The following MUC5B variants were observed in gnomAD, a reference collection of about 807,000 sequenced individuals.
MUC5B encodes mucin-5B.
Under a neutral mutation model 376.9 loss-of-function variants are expected in MUC5B, and 116 were observed. The observed-to-expected ratio is 0.31, with a 90% CI of 0.26 to 0.36. The LOEUF is 0.36. Ranked by LOEUF, MUC5B falls within the 10% of genes least tolerant of loss-of-function variation. MUC5B has a pLI of 1.00. For missense variants in MUC5B, 7,165 were observed against 7,769.9 expected, an observed-to-expected ratio of 0.92 and a Z score of 2.93; for synonymous variants, 3,517 against 3,390.9, an observed-to-expected ratio of 1.04 and a Z score of -1.29.
chr11:1,230,101 A>G lies in MUC5B; in HGVS notation c.1317A>G (p.Lys439=). 1.9e-6 allele frequency: 3 copies of G among 1,612,090 alleles called. No homozygotes were observed. Among genetic ancestry groups the G allele is most frequent in the Non-Finnish European group, 1.7e-6 (2 of 1,179,436 alleles). The change falls in exon 11 of 49, where the codon AAA becomes AAG. Residue 439 remains lysine (K), a synonymous_variant. Coordinates refer to ENST00000529681, the MANE Select transcript of MUC5B (RefSeq NM_002458.3). ...CCCACATCTCCACCTATGATGAGAA[A>G]CTCTACGACCTGCATGGTGACTGCA... The part of the protein sequence containing the change: ...GGAHISTYDE[K]LYDLHGDCSY...
Position 1,251,437 on chromosome 11 carries a change from A to T in MUC5B, c.14557A>T (p.Thr4853Ser). The T allele has an allele frequency of 6.2e-7, 1 of 1,612,534 alleles. No homozygotes were observed. The highest frequency in any genetic ancestry group is 1.1e-5 in the South Asian group (1 of 91,024). ...CACCTGGATCCTCACAGAGCCGAGC[A>T]CTATAGCCACCGTGATGGTGCCCAC... ...GTTWILTEPS[T>S]IATVMVPTGS... is the part of the protein sequence containing the mutation. The change falls in exon 31 of 49, where the codon ACT (threonine) becomes TCT (serine). Residue 4853 changes from threonine (T) to serine (S), a missense_variant. Physicochemically the swap from Thr to Ser is moderately conservative, Grantham distance 58 (BLOSUM62 1). This residue lies in a region of MUC5B where 730 missense variants were observed against 592.7 expected (regional missense o/e 1.23). Coordinates refer to ENST00000529681, the MANE Select transcript of MUC5B (RefSeq NM_002458.3).
rs759880535 is a variant in MUC5B, at chr11:1,251,546, C to T, written c.14666C>T (p.Ala4889Val). The T allele has an allele frequency of 1.4e-5, 23 of 1,613,040 alleles. No individual in the cohort carries two copies. The highest frequency in any genetic ancestry group is 2.2e-5 in the East Asian group (1 of 44,880). The change falls in exon 31 of 49, where the codon GCC (alanine) becomes GTC (valine). Residue 4889 changes from alanine (A) to valine (V), a missense_variant. Coordinates refer to ENST00000529681, the MANE Select transcript of MUC5B (RefSeq NM_002458.3). ...VVTTMATMPT[A>V]TASTVPSSST... ...ACCACCATGGCCACTATGCCCACAG[C>T]CACTGCCTCCACGGTTCCCAGCTCG...
In MUC5B at chr11:1,243,802, A is replaced by G; in HGVS notation, c.6922A>G (p.Thr2308Ala). The stretch of plus-strand genomic sequence containing the variant: ...CAGCCCCACATCGGCCCCCATAACC[A>G]CGGTGGTGACCATGGGCTGTGAGCC... ...PSSPTSAPIT[T>A]VVTMGCEPQC... Residue 2308 changes from threonine (T) to alanine (A), a missense_variant, in exon 31 of 49, where the codon ACG becomes GCG. Physicochemically the swap from Thr to Ala is moderately conservative, Grantham distance 58. Transcript: ENST00000529681. 6.2e-7 allele frequency: 1 copy of G among 1,611,466 alleles called. No individual in the cohort carries two copies. The highest frequency in any genetic ancestry group is 8.5e-7 in the Non-Finnish European group (1 of 1,179,590).
rs1862378033 is a variant in MUC5B, at chr11:1,244,082, A to G, written c.7202A>G (p.Asn2401Ser). 6.0e-6 allele frequency: 9 copies of G among 1,497,788 alleles called. No individual in the cohort carries two copies. Among genetic ancestry groups the G allele is most frequent in the Non-Finnish European group, 8.4e-6 (9 of 1,077,722 alleles). 92.8% of individuals were successfully genotyped at this position (1,497,788 alleles called of 1,614,324 possible). The change falls in exon 31 of 49, where the codon AAC (asparagine) becomes AGC (serine). Residue 2401 changes from asparagine to serine, a missense_variant. By Grantham distance (46) the Asn-to-Ser change is conservative. Around this residue, in one of 31 missense-constraint regions of MUC5B, gnomAD observed 194 missense variants for 268.5 expected, o/e 0.72. Transcript: ENST00000529681. ...EQVGKFKMCF[N>S]YEIRVFCCNY... is the part of the protein sequence containing the mutation. ...GTGGGGAAGTTCAAGATGTGCTTCAACTATGAAATCCGTGTGTTCTGCTGC... is the reference window on the plus strand; with the variant it reads ...GTGGGGAAGTTCAAGATGTGCTTCAGCTATGAAATCCGTGTGTTCTGCTGC...
Position 1,246,270 on chromosome 11 carries a change from G to C in MUC5B, c.9390G>C (p.Gly3130=). 6.2e-7 allele frequency: 1 copy of C among 1,610,938 alleles called. No homozygotes were observed. Among genetic ancestry groups the C allele is most frequent in the South Asian group, 1.1e-5 (1 of 90,918 alleles). ...SSMSTPSSTP[G]TTWILTELTT... ...TGTCCACCCCCTCCTCCACTCCGGG[G>C]ACGACCTGGATCCTCACAGAGCTGA... The change falls in exon 31 of 49, where the codon GGG becomes GGC. Residue 3130 remains glycine (G), a synonymous_variant. Transcript: ENST00000529681.
intron 48 of MUC5B, among the ~76,000 whole-genome samples, chr11:1,261,072 C>A (rs775838438): frequency 5.9e-5 from 9 of 152,174 alleles, no homozygotes; most frequent in Non-Finnish European, 1.2e-4. Flanking sequence ...GCAGGAGGGG[C>A]CAGAAGGGTT....
At chr11:1,261,353 A>C in intron 48 of MUC5B, 36 bp from the exon 49 acceptor site, 1 of 1,523,064 alleles carries the variant, frequency 6.6e-7, no homozygotes, top group Non-Finnish European at 8.8e-7. Context: ...CGGCGGGGCC[A>C]AGGTGGCTGA....
At position 1,243,875 on chromosome 11, in the gene MUC5B, G is replaced by C. The variant is rs1226310212; in HGVS notation, c.6995G>C (p.Gly2332Ala). The C allele has an allele frequency of 1.1e-5, 18 of 1,611,030 alleles. No individual in the cohort carries two copies. Among genetic ancestry groups the C allele is most frequent in the Non-Finnish European group, 1.5e-5 (18 of 1,179,442 alleles). ...EWLDYSYPMP[G>A]PSGGDFDTYS... ...CTGGACTACAGCTACCCCATGCCGG[G>C]GCCCTCTGGCGGGGACTTTGACACC... Residue 2332 changes from glycine (G) to alanine (A), a missense_variant, in exon 31 of 49, where the codon GGG becomes GCG. By Grantham distance (60) the Gly-to-Ala change is moderately conservative. This residue lies in a region of MUC5B where 25 missense variants were observed against 103.9 expected (regional missense o/e 0.24). Transcript: ENST00000529681.
chr11:1,259,079 T>A lies in MUC5B; in HGVS notation c.16713+18T>A. ...GTCCCCAGGTGAGACCCGAGGCACC[T>A]GCCCCCAGGTGAGCCCCCGAGGCAC... is the stretch of plus-strand genomic sequence containing the variant. On this transcript the variant is annotated intron_variant, in intron 44 of 48. Coordinates refer to ENST00000529681, the MANE Select transcript of MUC5B (RefSeq NM_002458.3). 6.5e-7 allele frequency: 1 copy of A among 1,541,440 alleles called. No individual in the cohort carries two copies. Among genetic ancestry groups the A allele is most frequent in the Non-Finnish European group, 8.7e-7 (1 of 1,144,312 alleles).
chr11:1,252,363 A>C lies in MUC5B; in HGVS notation c.14884A>C (p.Thr4962Pro), dbSNP rs1590189796. The C allele has an allele frequency of 6.4e-6, 10 of 1,572,444 alleles. No individual in the cohort carries two copies. The highest frequency in any genetic ancestry group is 8.6e-6 in the Non-Finnish European group (10 of 1,158,868). The change falls in exon 32 of 49, where the codon ACC (threonine) becomes CCC (proline). Residue 4962 changes from threonine (T) to proline (P), a missense_variant. Around this residue, in one of 31 missense-constraint regions of MUC5B, gnomAD observed 730 missense variants for 592.7 expected, o/e 1.23. Coordinates refer to ENST00000529681, the MANE Select transcript of MUC5B (RefSeq NM_002458.3). Reference sequence around the variant, plus strand: ...CACAGGGGAAGTCATCTACAATAAGACCGACCGAGCCGGCTGCCATTTCTA... The same window carrying C: ...CACAGGGGAAGTCATCTACAATAAGCCCGACCGAGCCGGCTGCCATTTCTA... ...FSPGEVIYNK[T>P]DRAGCHFYAV... is the part of the protein sequence containing the mutation.
rs1292703409 is a variant in MUC5B, at chr11:1,228,572, C to G, written c.783C>G (p.Ile261Met). Residue 261 changes from isoleucine (I) to methionine (M), a missense_variant, in exon 8 of 49, where the codon ATC becomes ATG. This residue lies in a region of MUC5B where 640 missense variants were observed against 733.0 expected (regional missense o/e 0.87). Transcript: ENST00000529681. ...PAGNCTDEEG[I>M]CHRTLLGPAF... ...CCCACTGTGCTCCCCAGGAGGGCAT[C>G]TGCCACCGCACCCTGCTGGGGCCGG... 6.6e-7 allele frequency: 1 copy of G among 1,523,064 alleles called. No individual in the cohort carries two copies. Among genetic ancestry groups the G allele is most frequent in the Non-Finnish European group, 8.8e-7 (1 of 1,138,408 alleles). The allele number at this position is 1,523,064 out of a possible 1,614,324, so 94.3% of individuals were successfully genotyped here. A position where few individuals can be genotyped will look rare whatever the true frequency, so the allele number is the denominator to read the frequency against.
In MUC5B at chr11:1,243,642, C is replaced by G. The variant is rs201380593; in HGVS notation, c.6762C>G (p.Ser2254Arg). ...AGCACTCGACTCCAGCCCTTTCCAG[C>G]CCTCACCCTAGCAGCAGAACCACCG... ...TTQHSTPALS[S>R]PHPSSRTTES... Residue 2254 changes from serine to arginine, a missense_variant, in exon 31 of 49, where the codon AGC becomes AGG. By Grantham distance (110) the Ser-to-Arg change is moderately radical. This residue lies in a region of MUC5B where 79 missense variants were observed against 63.0 expected (regional missense o/e 1.25). Transcript: ENST00000529681. 1,723 of 1,611,334 alleles carry G rather than the reference C, an allele frequency of 1.1e-3. 3 individuals carry two copies. The highest frequency in any genetic ancestry group is 1.3e-3 in the Non-Finnish European group (1,552 of 1,179,462).
chr11:1,228,839 G>GA (rs144854459), intron 8 of MUC5B, 74 bp downstream of exon 8: 4 of 1,219,952 alleles, frequency 3.3e-6, no homozygotes, highest in Admixed American at 3.7e-5. Context: ...GGGGGCCACT[G>GA]GGGGTGGGGA....
chr11:1,231,019 C>T lies in MUC5B; in HGVS notation c.1540+14C>T, dbSNP rs1451991263. 6.3e-7 allele frequency: 1 copy of T among 1,578,878 alleles called. No homozygotes were observed. ...CCCTGTCGGCAGGTATGTGGCTCTC[C>T]CAGGACGGCCGGGCTGGGTGGCGCC... is the stretch of plus-strand genomic sequence containing the variant. On this transcript the variant is annotated intron_variant, in intron 13 of 48. Transcript: ENST00000529681.
Position 1,262,020 on chromosome 11 carries a change from A to G in MUC5B, c.*412A>G, listed in dbSNP as rs1863010222. ...CAGGCAAGGCCAGCTGCTGCCAGGA[A>G]GCTGCGACAGGCAAGGCGGCCGCCT... On this transcript the variant is annotated 3_prime_UTR_variant, in exon 49 of 49. Coordinates refer to ENST00000529681, the MANE Select transcript of MUC5B (RefSeq NM_002458.3). 4.0e-6 allele frequency: 2 copies of G among 501,560 alleles called. No individual in the cohort carries two copies. Among genetic ancestry groups the G allele is most frequent in the Non-Finnish European group, 7.9e-6 (2 of 253,926 alleles). 31.1% of individuals were successfully genotyped at this position (501,560 alleles called of 1,614,324 possible).
rs535733421 is a variant in MUC5B at position 1,248,580 on chromosome 11, T to G, written c.11700T>G (p.Ser3900Arg). Residue 3900 changes from serine to arginine, a missense_variant, in exon 31 of 49, where the codon AGT becomes AGG. Transcript: ENST00000529681. ...GCACAACCACCACACCCACAACCAG[T>G]GGCTCCACGGTGACCCCCTCCTCCG... The part of the protein sequence containing the change: ...WISTTTTPTT[S>R]GSTVTPSSVP... 16 of 1,612,048 alleles carry G rather than the reference T, an allele frequency of 9.9e-6. No homozygotes were observed. Among genetic ancestry groups the G allele is most frequent in the Middle Eastern group, 1.7e-4 (1 of 5,874 alleles).
chr11:1,234,707 C>T lies in MUC5B; in HGVS notation c.2630+27C>T. The T allele has an allele frequency of 9.6e-6, 7 of 727,872 alleles. No homozygotes were observed. The highest frequency in any genetic ancestry group is 4.8e-4 in the Middle Eastern group (1 of 2,100). The allele number at this position is 727,872 out of a possible 1,614,324, so 45.1% of individuals were successfully genotyped here. A position where few individuals can be genotyped will look rare whatever the true frequency, so the allele number is the denominator to read the frequency against. ...TGGGTCGTGAGTCTCTCGGAGGCAG[C>T]AGGTGGGGAGGGCGGGGGCGGGGAG... On this transcript the variant is annotated intron_variant, in intron 21 of 48. Transcript: ENST00000529681. The surrounding 1 kb of genome is among the most constrained non-coding windows in gnomAD (Gnocchi z 6.3).
In MUC5B at chr11:1,258,958, C is replaced by G; in HGVS notation, c.16610C>G (p.Pro5537Arg). Residue 5537 changes from proline (P) to arginine (R), a missense_variant, in exon 44 of 49, where the codon CCA becomes CGA. By Grantham distance (103) the Pro-to-Arg change is moderately radical. Around this residue, in one of 31 missense-constraint regions of MUC5B, gnomAD observed 842 missense variants for 1,016.9 expected, o/e 0.83. Transcript: ENST00000529681. This position sits in a 1 kb window ranked among gnomAD's most constrained non-coding sequence, Gnocchi z 5.5. ...GTFYGVGATF[P>R]GALPCHMCTC... is the part of the protein sequence containing the mutation. ...CCCTTGCAGGTTGGTGCAACCTTCC[C>G]AGGCGCCCTTCCCTGCCACATGTGT... is the stretch of plus-strand genomic sequence containing the variant. 6.4e-7 allele frequency: 1 copy of G among 1,551,982 alleles called. No homozygotes were observed. Among genetic ancestry groups the G allele is most frequent in the South Asian group, 1.2e-5 (1 of 84,154 alleles).
rs370177885 is a variant in MUC5B at position 1,232,309 on chromosome 11, C to T, written c.1844-141C>T. ...TCAGGAGGAGGTGCTTGGGGCCAGG[C>T]GGCCAGAACCCCCCAAGGCGCAGCA... On this transcript the variant is annotated intron_variant, in intron 15 of 48. Transcript: ENST00000529681. 544 of 1,327,928 alleles carry T rather than the reference C, an allele frequency of 4.1e-4. 3 individuals carry two copies. The South Asian group carries it at 5.8e-3, about 14-fold the overall frequency. 82.3% of individuals were successfully genotyped at this position (1,327,928 alleles called of 1,614,324 possible).
Sources: allele counts gnomAD v4.1 joint callset (sites outside exome capture counted in the v4.1 genomes callset), GRCh38; gene constraint gnomAD v4.1.1; regional missense constraint gnomAD v4.1.1; non-coding constraint Gnocchi (gnomAD v3.1); transcripts MANE v1.5; gene names NCBI Gene and HGNC (gene_info 2026-07-23, HGNC 2026-07-21).